COL5A2: variants seen among roughly 807,000 people sequenced by gnomAD.
The protein encoded by COL5A2 is collagen alpha-2(V) chain.
In COL5A2, 23 loss-of-function variants were observed where a neutral mutation model predicts 208.2. That is an observed-to-expected ratio of 0.11 (90% CI 0.08 to 0.16). The LOEUF (loss-of-function observed/expected upper bound fraction) is 0.16. Among genes scored for constraint, COL5A2 ranks in the 10% least tolerant of loss-of-function variants. The pLI is 1.00. For synonymous variants in COL5A2, 625 were observed against 628.5 expected (o/e 0.99, Z 0.08); for missense variants, 1,590 against 1,956.4 (o/e 0.81, Z 3.53).
chr2:189,161,687 T>C (rs1384640495), intron 1 of COL5A2, among the ~76,000 whole-genome samples: 3 of 152,138 alleles, frequency 2.0e-5, no homozygotes, highest in Non-Finnish European at 4.4e-5. Flanking sequence ...TTTTATTGAG[T>C]TTCTACTATA....
the COL5A2 span, among the ~76,000 whole-genome samples, chr2:189,328,475 G>A: frequency 6.6e-6 from 1 of 152,148 alleles, no homozygotes; most frequent in Non-Finnish European, 1.5e-5. Flanking sequence ...AGGCCCTGAT[G>A]AGCCTCCAGA....
the COL5A2 span, among the ~76,000 whole-genome samples, chr2:189,287,455 A>G: frequency 1.3e-5 from 2 of 152,100 alleles, no homozygotes; most frequent in African/African-American, 4.8e-5. Context: ...TGAATGATGT[A>G]TGAGTGAAAA....
At chr2:189,416,651 T>C in the COL5A2 span, among the ~76,000 whole-genome samples, 1 of 152,228 alleles carries the variant, frequency 6.6e-6, no homozygotes, top group African/African-American at 2.4e-5. Context: ...ACATGGCGTA[T>C]GTATACATAT....
the COL5A2 span, among the ~76,000 whole-genome samples, chr2:189,394,382 C>T: frequency 6.6e-6 from 1 of 151,904 alleles, no homozygotes; most frequent in Non-Finnish European, 1.5e-5. Context: ...ACCCTAATAC[C>T]CAATGTGATG....
At chr2:189,042,321 C>T (rs894689838) in intron 49 of COL5A2, among the ~76,000 whole-genome samples, 5 of 152,098 alleles carry the variant, frequency 3.3e-5, no homozygotes, top group African/African-American at 1.2e-4. Flanking sequence ...TTTATGTAAA[C>T]TACTTCTGAG....
intron 1 of COL5A2, among the ~76,000 whole-genome samples, chr2:189,192,916 T>C (rs977449452): frequency 2.0e-5 from 3 of 152,200 alleles, no homozygotes; most frequent in African/African-American, 7.2e-5. Context: ...ACAAGAGTGC[T>C]ACTTATCACA....
intron 51 of COL5A2, among the ~76,000 whole-genome samples, chr2:189,038,843 C>T (rs1211652571): frequency 2.0e-5 from 3 of 152,178 alleles, no homozygotes; most frequent in Non-Finnish European, 4.4e-5. Flanking sequence ...GCACCCGCCA[C>T]CACGCCTGAC....
At chr2:189,378,375 G>T in the COL5A2 span, among the ~76,000 whole-genome samples, 2 of 151,922 alleles carry the variant, frequency 1.3e-5, no homozygotes, top group Non-Finnish European at 1.5e-5. Context: ...TAAGTTCCCT[G>T]AAAAACAAGG....
intron 1 of COL5A2, among the ~76,000 whole-genome samples, chr2:189,110,779 A>G (rs747835323): frequency 1.1e-4 from 17 of 152,286 alleles, no homozygotes; most frequent in Non-Finnish European, 1.5e-4. Context: ...GATAAAAGAG[A>G]ACCATCTGAA....
chr2:189,349,046 A>C, the COL5A2 span, among the ~76,000 whole-genome samples: 1 of 152,190 alleles, frequency 6.6e-6, no homozygotes, highest in East Asian at 1.9e-4. Flanking sequence ...AATTACTAAC[A>C]TAATCTCCCA....
the COL5A2 span, among the ~76,000 whole-genome samples, chr2:189,389,008 A>C: frequency 6.6e-6 from 1 of 152,308 alleles, no homozygotes; most frequent in Non-Finnish European, 1.5e-5. Context: ...TTATGATCAA[A>C]TATTGTAAAT....
the COL5A2 span, among the ~76,000 whole-genome samples, chr2:189,249,181 G>A: frequency 5.3e-5 from 8 of 152,086 alleles, no homozygotes; most frequent in Non-Finnish European, 8.8e-5. Flanking sequence ...GATGGCTATT[G>A]AAATTTCATA....
chr2:189,428,586 C>G, the COL5A2 span, among the ~76,000 whole-genome samples: 3 of 152,146 alleles, frequency 2.0e-5, no homozygotes, highest in African/African-American at 7.2e-5. Flanking sequence ...CCACTGCACT[C>G]CAGCCTCAGT....
At chr2:189,232,170 T>G in the COL5A2 span, among the ~76,000 whole-genome samples, 9 of 151,784 alleles carry the variant, frequency 5.9e-5, no homozygotes, top group Non-Finnish European at 1.3e-4. Context: ...GACACTCTCC[T>G]TCCATTTTCT....
chr2:189,286,970 G>A, the COL5A2 span, among the ~76,000 whole-genome samples: 4 of 152,066 alleles, frequency 2.6e-5, no homozygotes, highest in African/African-American at 9.7e-5. Flanking sequence ...TCTACTTTGT[G>A]GATGTTAATT....
chr2:189,291,665 T>C, the COL5A2 span, among the ~76,000 whole-genome samples: 1 of 152,112 alleles, frequency 6.6e-6, no homozygotes, highest in Non-Finnish European at 1.5e-5. Context: ...CATTTGGAAA[T>C]TATGACTCAC....
At chr2:189,303,463 G>A in the COL5A2 span, among the ~76,000 whole-genome samples, 1 of 152,074 alleles carries the variant, frequency 6.6e-6, no homozygotes. Context: ...CCTGGAGTTG[G>A]TCCTGTCAAA....
At position 189,074,273 on chromosome 2, in the gene COL5A2, GGTAA is replaced by G. The variant is rs141778366; in HGVS notation, c.1104+1116_1104+1119del. 7.1e-3 allele frequency among the ~76,000 whole-genome samples: 1,077 copies of G among 151,924 alleles called. 12 individuals carry two copies. Among genetic ancestry groups the G allele is most frequent in the African/African-American group, 0.024 (993 of 41,456 alleles). On this transcript the variant is annotated intron_variant, in intron 17 of 53. Coordinates refer to ENST00000374866, the MANE Select transcript of COL5A2 (RefSeq NM_000393.5). ...AAAGAGCTCAAAAACCCTTTAAATGGGTAAGTAAGTATAGCCCTTTATGATCTAG... is the reference window on the plus strand; with the variant it reads ...AAAGAGCTCAAAAACCCTTTAAATGGGTAAGTATAGCCCTTTATGATCTAG...
the COL5A2 span, among the ~76,000 whole-genome samples, chr2:189,436,185 GA>G: frequency 6.6e-6 from 1 of 152,118 alleles, no homozygotes; most frequent in Non-Finnish European, 1.5e-5. Context: ...AAAAACCCTA[GA>G]AGAAAACCTA....
Sources: gnomAD v4.1 joint callset for allele counts (sites outside exome capture counted in the v4.1 genomes callset) on GRCh38, gnomAD v4.1.1 for gene constraint, MANE v1.5 for transcripts, NCBI Gene and HGNC (gene_info 2026-07-23, HGNC 2026-07-21) for gene names.